The following C10orf88 variants were observed in gnomAD, a reference collection of about 807,000 sequenced individuals.
The protein encoded by C10orf88 is chromosome 10 open reading frame 88, also known as ATPase PAAT.
A neutral mutation model predicts 34.2 loss-of-function variants in C10orf88; 29 were observed. The observed-to-expected ratio is 0.85, with a 90% confidence interval of 0.63 to 1.16. The LOEUF (loss-of-function observed/expected upper bound fraction) is 1.16, where lower values mean the gene tolerates loss of function less well. Ranked by LOEUF, C10orf88 falls within the 50% of genes most tolerant of loss-of-function variation. The pLI is 0.00. For missense variants in C10orf88, 507 were observed against 533.2 expected (o/e 0.95, Z 0.48); for synonymous variants, 194 against 197.4 (o/e 0.98, Z 0.15).
chr10:122,949,043 T>G (rs958202461), intron 3 of C10orf88, among the ~76,000 whole-genome samples, 188 bp from the exon 4 acceptor site: 45 of 152,210 alleles, frequency 3.0e-4, no homozygotes, highest in African/African-American at 1.1e-3. Flanking sequence ...GAGGCTCAGA[T>G]GAACTATTTA....
chr10:122,946,311 G>A (rs570318201), intron 4 of C10orf88, among the ~76,000 whole-genome samples: 2 of 152,120 alleles, frequency 1.3e-5, no homozygotes, highest in Admixed American at 1.3e-4. Flanking sequence ...CCCTATACAG[G>A]CGTGCCATTT....
At chr10:122,953,193 T>A (rs1848709372) in intron 1 of C10orf88, among the ~76,000 whole-genome samples, 161 bp from the exon 2 acceptor site, 1 of 152,194 alleles carries the variant, frequency 6.6e-6, no homozygotes, top group African/African-American at 2.4e-5. Context: ...TTCTCCTGCC[T>A]CAGCCTCCCA....
At chr10:122,944,637 G>C (rs1848621148) in intron 4 of C10orf88, among the ~76,000 whole-genome samples, 1 of 152,064 alleles carries the variant, frequency 6.6e-6, no homozygotes, top group Admixed American at 6.6e-5. Flanking sequence ...TGAGTAGATA[G>C]TGAGGGCCAG....
intron 5 of C10orf88, among the ~76,000 whole-genome samples, chr10:122,934,627 G>A (rs1405197792): frequency 2.0e-5 from 3 of 152,134 alleles, no homozygotes; most frequent in African/African-American, 7.2e-5. Context: ...ATTAATAACT[G>A]TGTACAAGTT....
intron 4 of C10orf88, among the ~76,000 whole-genome samples, chr10:122,945,531 C>A (rs1848631312): frequency 6.6e-6 from 1 of 151,962 alleles, no homozygotes; most frequent in Admixed American, 6.6e-5. Flanking sequence ...CCCTGAAGAC[C>A]TTCCAGTGGG....
In C10orf88 at chr10:122,932,297, G is replaced by A. The variant is rs1848490329; in HGVS notation, c.*130C>T. On this transcript the variant is annotated 3_prime_UTR_variant, in exon 6 of 6. Coordinates refer to ENST00000481909, the MANE Select transcript of C10orf88 (RefSeq NM_024942.4). Reference sequence around the variant, plus strand: ...AACAAGTGTAGTAAAAACGAAAACTGAGGTCACTTTGTGTAAGACAATGAT... The same window carrying A: ...AACAAGTGTAGTAAAAACGAAAACTAAGGTCACTTTGTGTAAGACAATGAT... 1 of 732,040 alleles carries A rather than the reference G, an allele frequency of 1.4e-6. No homozygotes were observed. The highest frequency in any genetic ancestry group is 3.1e-5 in the Admixed American group (1 of 32,546). 45.3% of individuals were successfully genotyped at this position (732,040 alleles called of 1,614,324 possible).
intron 5 of C10orf88, among the ~76,000 whole-genome samples, chr10:122,935,167 G>A (rs566734230): frequency 6.6e-6 from 1 of 151,952 alleles, no homozygotes; most frequent in Admixed American, 6.6e-5. Context: ...ACATTTTGAT[G>A]GGGCCCAATA....
At chr10:122,950,137 G>A (rs1003643631) in intron 3 of C10orf88, among the ~76,000 whole-genome samples, 2 of 152,164 alleles carry the variant, frequency 1.3e-5, no homozygotes, top group Non-Finnish European at 1.5e-5. Flanking sequence ...TTTAACTTAC[G>A]ACTCTGGTAC....
chr10:122,939,007 T>C (rs1848560135), intron 4 of C10orf88, among the ~76,000 whole-genome samples: 1 of 152,044 alleles, frequency 6.6e-6, no homozygotes, highest in Non-Finnish European at 1.5e-5. Context: ...CCCACACTTA[T>C]TGCTGTTCAA....
chr10:122,933,811 A>T (rs1455818035), intron 5 of C10orf88, among the ~76,000 whole-genome samples: 1 of 152,242 alleles, frequency 6.6e-6, no homozygotes, highest in Non-Finnish European at 1.5e-5. Context: ...ATACATGATA[A>T]TGCAGCCAAA....
chr10:122,946,211 T>A (rs918107498), intron 4 of C10orf88, among the ~76,000 whole-genome samples: 1 of 152,198 alleles, frequency 6.6e-6, no homozygotes, highest in East Asian at 1.9e-4. Context: ...AAGTCTACAG[T>A]AGTGTACAGT....
chr10:122,939,982 C>G (rs1236525509), intron 4 of C10orf88, among the ~76,000 whole-genome samples: 1 of 151,820 alleles, frequency 6.6e-6, no homozygotes, highest in African/African-American at 2.4e-5. Context: ...TGATGAAAAA[C>G]AGTATGGAGG....
intron 5 of C10orf88, among the ~76,000 whole-genome samples, chr10:122,936,974 T>A (rs1376631761): frequency 6.6e-6 from 1 of 152,022 alleles, no homozygotes; most frequent in Non-Finnish European, 1.5e-5. Flanking sequence ...TCTCTATAAA[T>A]GTCAACTCAA....
At chr10:122,935,455 A>C (rs2133328015) in intron 5 of C10orf88, among the ~76,000 whole-genome samples, 1 of 152,170 alleles carries the variant, frequency 6.6e-6, no homozygotes, top group South Asian at 2.1e-4. Flanking sequence ...CAGTTGGTGT[A>C]CTTGTGCAGA....
intron 4 of C10orf88, among the ~76,000 whole-genome samples, chr10:122,947,273 G>T (rs1848648780): frequency 6.6e-6 from 1 of 151,936 alleles, no homozygotes; most frequent in African/African-American, 2.4e-5. Flanking sequence ...TTATAATACT[G>T]GTACTACATT....
chr10:122,931,615 C>T lies in C10orf88; in HGVS notation c.*812G>A, dbSNP rs1336339328. 1 of 152,016 alleles carries T rather than the reference C, an allele frequency of 6.6e-6. No individual in the cohort carries two copies. The highest frequency in any genetic ancestry group is 1.5e-5 in the Non-Finnish European group (1 of 68,000). 9.4% of individuals were successfully genotyped at this position (152,016 alleles called of 1,614,324 possible). A position where few individuals can be genotyped will look rare whatever the true frequency, so the allele number is the denominator to read the frequency against. Reference sequence around the variant, plus strand: ...AAGTCTATCAGAGAGAATTGCAATCCCTTGACTCATATGTGTTCATCCTTC... The same window carrying T: ...AAGTCTATCAGAGAGAATTGCAATCTCTTGACTCATATGTGTTCATCCTTC... On this transcript the variant is annotated 3_prime_UTR_variant, in exon 6 of 6. Coordinates refer to ENST00000481909, the MANE Select transcript of C10orf88 (RefSeq NM_024942.4).
At chr10:122,938,852 G>A (rs745358343) in intron 4 of C10orf88, among the ~76,000 whole-genome samples, 62 of 151,980 alleles carry the variant, frequency 4.1e-4, no homozygotes, top group Non-Finnish European at 2.1e-4. Context: ...ACCTTGAAGG[G>A]ATGATTACAG....
chr10:122,934,898 T>C (rs541983867), intron 5 of C10orf88, among the ~76,000 whole-genome samples: 2 of 152,270 alleles, frequency 1.3e-5, no homozygotes, highest in East Asian at 1.9e-4. Context: ...ATTTCCCTAA[T>C]AGTCACTAAG....
chr10:122,931,880 A>G lies in C10orf88; in HGVS notation c.*547T>C, dbSNP rs1406098388. 6.6e-6 allele frequency: 1 copy of G among 152,642 alleles called. No homozygotes were observed. The highest frequency in any genetic ancestry group is 2.4e-5 in the African/African-American group (1 of 41,452). The allele number at this position is 152,642 out of a possible 1,614,324, so 9.5% of individuals were successfully genotyped here. On this transcript the variant is annotated 3_prime_UTR_variant, in exon 6 of 6. Transcript: ENST00000481909. ...GCTACTCTGTAATGAAACAAATAAT[A>G]TTAACAACCCCAGAGTGAACTAAGT...
Sources: allele counts gnomAD v4.1 joint callset (sites outside exome capture counted in the v4.1 genomes callset), GRCh38; gene constraint gnomAD v4.1.1; transcripts MANE v1.5; gene names NCBI Gene and HGNC (gene_info 2026-07-23, HGNC 2026-07-21).